The following KRT78 variants were observed in gnomAD, a reference collection of about 807,000 sequenced individuals.
The protein encoded by KRT78 is keratin, type II cytoskeletal 78.
In KRT78, 55 loss-of-function variants were observed where a neutral mutation model predicts 51.4. The observed-to-expected ratio is 1.07, with a 90% CI of 0.86 to 1.34. KRT78 has a LOEUF of 1.34. Ranked by LOEUF, KRT78 falls within the 40% of genes most tolerant of loss-of-function variation. The pLI, the probability that KRT78 is intolerant of heterozygous loss-of-function variation, is 0.00. For missense variants in KRT78, 652 were observed against 649.4 expected, an observed-to-expected ratio of 1.00 and a Z score of -0.04; for synonymous variants, 291 against 264.3, an observed-to-expected ratio of 1.10 and a Z score of -0.98.
At chr12:52,848,408 T>A (rs1940698110) in intron 1 of KRT78, 139 bp downstream of exon 1, 13 of 1,416,992 alleles carry the variant, frequency 9.2e-6, no homozygotes, top group Non-Finnish European at 1.1e-5. Context: ...GTCCAGTTAG[T>A]CCACAGGAGG....
chr12:52,846,858 G>A (rs1940656174), intron 2 of KRT78, 34 bp from the exon 3 acceptor site: 1 of 1,566,422 alleles, frequency 6.4e-7, no homozygotes, highest in Admixed American at 1.7e-5. Flanking sequence ...GCAGTTTGAG[G>A]CTCCACGGTC....
chr12:52,844,139 T>C lies in KRT78; in HGVS notation c.1001A>G (p.Gln334Arg), dbSNP rs1159830090. The change falls in exon 6 of 9, where the codon CAA (glutamine) becomes CGA (arginine). Residue 334 changes from glutamine (Q) to arginine (R), a missense_variant. Physicochemically the swap from Gln to Arg is conservative, Grantham distance 43. Transcript: ENST00000304620. ...CTGACTCTGCAGCCTCTGAATCTCT[T>C]GGTGTAGCTGAGAGATCTGGACTTT... ...ETKVQISQLHQEIQRLQSQTE... is the reference protein window; with the variant it reads ...ETKVQISQLHREIQRLQSQTE... The C allele has an allele frequency of 6.2e-7, 1 of 1,612,292 alleles. No homozygotes were observed. Among genetic ancestry groups the C allele is most frequent in the South Asian group, 1.1e-5 (1 of 90,804 alleles).
rs140790380 is a variant in KRT78 at position 52,843,646 on chromosome 12, G to A, written c.1047+447C>T. On this transcript the variant is annotated intron_variant, in intron 6 of 8. Coordinates refer to ENST00000304620, the MANE Select transcript of KRT78 (RefSeq NM_173352.4). ...AGAGGTTGCAGTAAGCCAAGATCAC[G>A]CCACTGAACTCCAACCTGGGCAGTG... Among the ~76,000 whole-genome samples the A allele has an allele frequency of 8.7e-3, 1,226 of 141,538 alleles. 19 individuals carry two copies. Among genetic ancestry groups the A allele is most frequent in the African/African-American group, 0.031 (1,133 of 36,582 alleles). The allele number at this position is 141,538 out of a possible 152,430, so 92.9% of individuals were successfully genotyped here.
rs544867159 is a variant in KRT78 at position 52,839,861 on chromosome 12, G to A, written c.1171C>T (p.Arg391Trp). 52 of 1,614,060 alleles carry A rather than the reference G, an allele frequency of 3.2e-5. No individual in the cohort carries two copies. The highest frequency in any genetic ancestry group is 1.2e-4 in the African/African-American group (9 of 74,996). Residue 391 changes from arginine (R) to tryptophan (W), a missense_variant, in exon 7 of 9, where the codon CGG becomes TGG. Arg to Trp is a moderately radical substitution (Grantham distance 101, BLOSUM62 -3). Coordinates refer to ENST00000304620, the MANE Select transcript of KRT78 (RefSeq NM_173352.4). Reference sequence around the variant, plus strand: ...AGCTCCTGGTACTCGCACAGCAGCCGGGCCAGGTTCTGCTTGGCCATCCTC... The same window carrying A: ...AGCTCCTGGTACTCGCACAGCAGCCAGGCCAGGTTCTGCTTGGCCATCCTC... ...ALRMAKQNLARLLCEYQELTS... is the reference protein window; with the variant it reads ...ALRMAKQNLAWLLCEYQELTS...
At position 52,846,981 on chromosome 12, in the gene KRT78, G is replaced by A. The variant is rs1452938905; in HGVS notation, c.600-157C>T. On this transcript the variant is annotated intron_variant, in intron 2 of 8. Coordinates refer to ENST00000304620, the MANE Select transcript of KRT78 (RefSeq NM_173352.4). ...TTCTCTCCTTTCCTGCCACGTCCTA[G>A]CTATGTACCTGTGCCACCCTTTCAG... is the stretch of plus-strand genomic sequence containing the variant. Among the ~76,000 whole-genome samples the A allele has an allele frequency of 2.6e-5, 4 of 152,182 alleles. No homozygotes were observed. In the East Asian group the frequency reaches 5.8e-4, roughly 22 times the overall value.
chr12:52,839,488 C>G lies in KRT78; in HGVS notation c.1269-1G>C. 2 of 1,592,250 alleles carry G rather than the reference C, an allele frequency of 1.3e-6. No homozygotes were observed. The highest frequency in any genetic ancestry group is 1.7e-6 in the Non-Finnish European group (2 of 1,169,634). ...CTGGCTGGTGCACTCCCCAGACATCCTAGGGGGAAAAGGACAAGAGGGGGA... is the reference window on the plus strand; with the variant it reads ...CTGGCTGGTGCACTCCCCAGACATCGTAGGGGGAAAAGGACAAGAGGGGGA... On this transcript the variant is annotated splice_acceptor_variant, in intron 7 of 8. Transcript: ENST00000304620. LOFTEE classifies it high-confidence loss of function.
Position 52,848,737 on chromosome 12 carries a change from C to T in KRT78, c.194G>A (p.Arg65Gln), listed in dbSNP as rs1272447250. The change falls in exon 1 of 9, where the codon CGG becomes CAG. Residue 65 changes from arginine (R) to glutamine (Q), a missense_variant. Arg to Gln is a conservative substitution (Grantham distance 43). Coordinates refer to ENST00000304620, the MANE Select transcript of KRT78 (RefSeq NM_173352.4). Reference protein sequence around the residue: ...TWGSGGRLGVRFGEWSGGPGL... With the variant: ...TWGSGGRLGVQFGEWSGGPGL... Reference sequence around the variant, plus strand: ...AGGCCCACCACTCCACTCCCCAAACCGCACCCCCAGCCTACCCCCTGACCC... The same window carrying T: ...AGGCCCACCACTCCACTCCCCAAACTGCACCCCCAGCCTACCCCCTGACCC... 2.5e-5 allele frequency: 40 copies of T among 1,611,700 alleles called. No individual in the cohort carries two copies. Among genetic ancestry groups the T allele is most frequent in the Non-Finnish European group, 3.0e-5 (35 of 1,178,842 alleles).
intron 4 of KRT78, among the ~76,000 whole-genome samples, chr12:52,845,083 T>C (rs1940610124): frequency 6.6e-6 from 1 of 150,886 alleles, no homozygotes; most frequent in African/African-American, 2.4e-5. Flanking sequence ...TGGTGTGATC[T>C]CGGCTCACTG....
At chr12:52,840,035 C>A in intron 6 of KRT78, 51 bp from the exon 7 acceptor site, 1 of 1,314,342 alleles carries the variant, frequency 7.6e-7, no homozygotes, top group South Asian at 1.2e-5. Context: ...TCCAACATAG[C>A]CTCTCAAAGC....
intron 7 of KRT78, 34 bp from the exon 8 acceptor site, chr12:52,839,521 AG>A: frequency 6.5e-7 from 1 of 1,542,040 alleles, no homozygotes; most frequent in Non-Finnish European, 8.7e-7. Context: ...GGATGCGCTA[AG>A]GAATACTACA....
intron 6 of KRT78, among the ~76,000 whole-genome samples, chr12:52,841,558 C>CT (rs1940501292): frequency 6.6e-6 from 1 of 151,962 alleles, no homozygotes; most frequent in Admixed American, 6.6e-5. Context: ...AGATCCCTGT[C>CT]TTTATCAGCC....
In KRT78 at chr12:52,838,889, G is replaced by T. The variant is rs899354595; in HGVS notation, c.*224C>A. On this transcript the variant is annotated 3_prime_UTR_variant, in exon 9 of 9. Transcript: ENST00000304620. ...CACAGATATGCCACAATTGCCTTCCGAGGAGAGGAAGCTGGGGAGCCACAC... is the reference window on the plus strand; with the variant it reads ...CACAGATATGCCACAATTGCCTTCCTAGGAGAGGAAGCTGGGGAGCCACAC... 12 of 593,198 alleles carry T rather than the reference G, an allele frequency of 2.0e-5. No homozygotes were observed. Among genetic ancestry groups the T allele is most frequent in the Non-Finnish European group, 3.3e-5 (11 of 335,872 alleles). The allele number at this position is 593,198 out of a possible 1,614,324, so 36.7% of individuals were successfully genotyped here.
At position 52,839,926 on chromosome 12, in the gene KRT78, T is replaced by G. The variant is rs1263392761; in HGVS notation, c.1106A>C (p.Lys369Thr). 3 of 1,613,904 alleles carry G rather than the reference T, an allele frequency of 1.9e-6. No individual in the cohort carries two copies. In the African/African-American group the frequency reaches 4.0e-5, roughly 22 times the overall value. The change falls in exon 7 of 9, where the codon AAG (lysine) becomes ACG (threonine). Residue 369 changes from lysine to threonine, a missense_variant. By Grantham distance (78) the Lys-to-Thr change is moderately conservative. Coordinates refer to ENST00000304620, the MANE Select transcript of KRT78 (RefSeq NM_173352.4). ...DAEQRGELAL[K>T]DAQAKVDELE... is the part of the protein sequence containing the mutation. ...CTCGTCCACCTTGGCCTGAGCGTCC[T>G]TGAGGGCCAGCTCCCCACGCTGCTC... is the stretch of plus-strand genomic sequence containing the variant.
At position 52,839,065 on chromosome 12, in the gene KRT78, G is replaced by T; in HGVS notation, c.*48C>A. Reference sequence around the variant, plus strand: ...GTTGGCCTTGCAGAGCCGGCTGATGGGGGGAGTGGGCCAAATGTGTTCAGG... The same window carrying T: ...GTTGGCCTTGCAGAGCCGGCTGATGTGGGGAGTGGGCCAAATGTGTTCAGG... On this transcript the variant is annotated 3_prime_UTR_variant, in exon 9 of 9. Transcript: ENST00000304620. 6.3e-7 allele frequency: 1 copy of T among 1,582,232 alleles called. No individual in the cohort carries two copies. Among genetic ancestry groups the T allele is most frequent in the Non-Finnish European group, 8.6e-7 (1 of 1,166,254 alleles).
rs755599498 is a variant in KRT78 at position 52,847,868 on chromosome 12, C to T, written c.599+39G>A. ...CAGACCCAAACTGAGTCATCCCAGA[C>T]CCCGCCCACATGGCATGGGGAAATT... On this transcript the variant is annotated intron_variant, in intron 2 of 8. Coordinates refer to ENST00000304620, the MANE Select transcript of KRT78 (RefSeq NM_173352.4). 22 of 1,586,642 alleles carry T rather than the reference C, an allele frequency of 1.4e-5. No individual in the cohort carries two copies. The South Asian group carries it at 2.3e-4, about 17-fold the overall frequency.
rs770115533 is a variant in KRT78, at chr12:52,839,512, G to C, written c.1269-25C>G. The C allele has an allele frequency of 2.2e-5, 35 of 1,559,796 alleles. No individual in the cohort carries two copies. In the African/African-American group the frequency reaches 4.5e-4, roughly 20 times the overall value. On this transcript the variant is annotated intron_variant, in intron 7 of 8. Coordinates refer to ENST00000304620, the MANE Select transcript of KRT78 (RefSeq NM_173352.4). ...CCTAGGGGGAAAAGGACAAGAGGGG[G>C]ATGCGCTAAGGAATACTACAAAGAA...
In KRT78 at chr12:52,843,044, G is replaced by GGGAA. The variant is rs1481328613; in HGVS notation, c.1047+1045_1047+1048dup. 4.3e-5 allele frequency among the ~76,000 whole-genome samples: 5 copies of GGGAA among 115,780 alleles called. No homozygotes were observed. The South Asian group carries it at 1.1e-3, about 26-fold the overall frequency. 76.0% of individuals were successfully genotyped at this position (115,780 alleles called of 152,430 possible). A position where few individuals can be genotyped will look rare whatever the true frequency, so the allele number is the denominator to read the frequency against. On this transcript the variant is annotated intron_variant, in intron 6 of 8. Transcript: ENST00000304620. ...AGGGAGGGAGGGAGGGAGGGAGGGA[G>GGGAA]GGAAGGGAGGAAGGAAGAAAGAAAG...
chr12:52,839,308 T>A lies in KRT78; in HGVS notation c.1368A>T (p.Gly456=). The A allele has an allele frequency of 6.2e-7, 1 of 1,613,222 alleles. No homozygotes were observed. Among genetic ancestry groups the A allele is most frequent in the East Asian group, 2.2e-5 (1 of 44,846 alleles). The change falls in exon 9 of 9, where the codon GGA becomes GGT. Residue 456 remains glycine, a synonymous_variant. Transcript: ENST00000304620. ...CAGGGCTGCCTTTCCCACTACCGAG[T>A]CCACAAGTGCTCCCCAAGCCTCCAC... ...GVGGGLGSTC[G]LGSGKGSPGS...
rs1472175820 is a variant in KRT78 at position 52,848,700 on chromosome 12, C to G, written c.231G>C (p.Leu77=). 2 of 1,612,658 alleles carry G rather than the reference C, an allele frequency of 1.2e-6. No homozygotes were observed. Among genetic ancestry groups the G allele is most frequent in the African/African-American group, 2.7e-5 (2 of 74,926 alleles). ...GEWSGGPGLS[L]CPPGGIQEVT... Reference sequence around the variant, plus strand: ...CTTCTTGGATGCCCCCCGGAGGGCACAGGGAGAGCCCAGGCCCACCACTCC... The same window carrying G: ...CTTCTTGGATGCCCCCCGGAGGGCAGAGGGAGAGCCCAGGCCCACCACTCC... Residue 77 remains leucine (L), a synonymous_variant, in exon 1 of 9, where the codon CTG becomes CTC. Transcript: ENST00000304620.
Sources: gnomAD v4.1 joint callset for allele counts (sites outside exome capture counted in the v4.1 genomes callset) on GRCh38, gnomAD v4.1.1 for gene constraint, MANE v1.5 for transcripts, NCBI Gene and HGNC (gene_info 2026-07-23, HGNC 2026-07-21) for gene names.